CDK14: variants seen among roughly 807,000 people sequenced by gnomAD.
CDK14 encodes cyclin dependent kinase 14.
Under a neutral mutation model 60.7 loss-of-function variants are expected in CDK14, and 34 were observed. That is an observed-to-expected ratio of 0.56 (90% confidence interval 0.43 to 0.75). The LOEUF (loss-of-function observed/expected upper bound fraction) is 0.75, where lower values mean the gene tolerates loss of function less well. Among genes scored for constraint, CDK14 ranks in the 30% least tolerant of loss-of-function variants. The pLI is 0.00. For missense variants in CDK14, 482 were observed against 564.1 expected, an observed-to-expected ratio of 0.85 and a Z score of 1.47; for synonymous variants, 197 against 203.7, an observed-to-expected ratio of 0.97 and a Z score of 0.28.
chr7:90,693,528 G>T (rs529284072), intron 2 of CDK14, among the ~76,000 whole-genome samples: 3 of 152,296 alleles, frequency 2.0e-5, no homozygotes, highest in Non-Finnish European at 2.9e-5. Context: ...CGGCTGTGTT[G>T]TTGGGAACTT....
intron 14 of CDK14, among the ~76,000 whole-genome samples, chr7:91,166,921 T>C (rs1801364081): frequency 6.6e-6 from 1 of 152,220 alleles, no homozygotes; most frequent in Non-Finnish European, 1.5e-5. Flanking sequence ...TTGATAATAT[T>C]ATCCAGAAAA....
chr7:91,050,816 G>A (rs1797370011), intron 11 of CDK14, among the ~76,000 whole-genome samples: 1 of 152,180 alleles, frequency 6.6e-6, no homozygotes, highest in Non-Finnish European at 1.5e-5. Context: ...GGTGAAGGGG[G>A]AGCATGCATG....
chr7:91,098,582 A>G (rs1018490945), intron 12 of CDK14, among the ~76,000 whole-genome samples: 3 of 152,134 alleles, frequency 2.0e-5, no homozygotes, highest in African/African-American at 7.2e-5. Flanking sequence ...CTTCTATATC[A>G]ACATAGAGTG....
intron 2 of CDK14, among the ~76,000 whole-genome samples, chr7:90,691,869 G>T (rs183587514): frequency 1.2e-4 from 19 of 152,274 alleles, no homozygotes; most frequent in Admixed American, 1.2e-3. Context: ...AGTTATCAAG[G>T]CATTGAGTCT....
chr7:90,690,915 A>G (rs542466977), intron 2 of CDK14, among the ~76,000 whole-genome samples: 1 of 152,312 alleles, frequency 6.6e-6, no homozygotes, highest in African/African-American at 2.4e-5. Flanking sequence ...GAAAGTAAGC[A>G]AATTAAAGTA....
At chr7:91,132,216 A>G (rs1358000660) in intron 14 of CDK14, among the ~76,000 whole-genome samples, 2 of 152,182 alleles carry the variant, frequency 1.3e-5, no homozygotes, top group Non-Finnish European at 2.9e-5. Context: ...AGGAGATAGC[A>G]GAAGTTTTTC....
chr7:91,144,544 G>A (rs533271141), intron 14 of CDK14, among the ~76,000 whole-genome samples: 2 of 152,274 alleles, frequency 1.3e-5, no homozygotes, highest in South Asian at 4.1e-4. Flanking sequence ...GATTCAGACA[G>A]CTTTCCCTTA....
At chr7:90,822,012 C>G (rs570841117) in intron 5 of CDK14, among the ~76,000 whole-genome samples, 1 of 152,228 alleles carries the variant, frequency 6.6e-6, no homozygotes, top group Non-Finnish European at 1.5e-5. Flanking sequence ...TCTTTAATCC[C>G]CTGCGGGTGA....
intron 4 of CDK14, among the ~76,000 whole-genome samples, chr7:90,759,089 C>T (rs1804208000): frequency 6.7e-6 from 1 of 149,906 alleles, no homozygotes; most frequent in African/African-American, 2.5e-5. Flanking sequence ...ACAAAAACAT[C>T]CAGGTAAAAT....
At chr7:91,194,140 T>C (rs1802458657) in intron 14 of CDK14, among the ~76,000 whole-genome samples, 1 of 152,196 alleles carries the variant, frequency 6.6e-6, no homozygotes, top group Non-Finnish European at 1.5e-5. Context: ...CCTGGTAGAA[T>C]TTCTTTTAAT....
chr7:91,013,179 C>A (rs777980179), intron 10 of CDK14, among the ~76,000 whole-genome samples: 1 of 152,214 alleles, frequency 6.6e-6, no homozygotes, highest in Non-Finnish European at 1.5e-5. Context: ...CCCCAAATTT[C>A]TTTTTCCTTT....
At chr7:90,893,240 A>G (rs963936815) in intron 6 of CDK14, among the ~76,000 whole-genome samples, 6 of 152,146 alleles carry the variant, frequency 3.9e-5, no homozygotes, top group Middle Eastern at 3.2e-3. Context: ...AGGCATAGCA[A>G]TGGTGATGGA....
At chr7:90,785,804 AAAGAG>A (rs1171048742) in intron 4 of CDK14, among the ~76,000 whole-genome samples, 1 of 148,342 alleles carries the variant, frequency 6.7e-6, no homozygotes, top group Non-Finnish European at 1.5e-5. Flanking sequence ...AAAAAAAAAA[AAAGAG>A]AAAACTTCTA....
At chr7:90,649,247 TC>T (rs1800537212) in intron 2 of CDK14, among the ~76,000 whole-genome samples, 1 of 18,624 alleles carries the variant, frequency 5.4e-5, no homozygotes, top group African/African-American at 2.2e-4. Flanking sequence ...TTTCTTTCTT[TC>T]TTTCTTTCTT....
chr7:90,811,004 A>G lies in CDK14; in HGVS notation c.544+20352A>G, dbSNP rs547756744. Among the ~76,000 whole-genome samples the G allele has an allele frequency of 5.8e-3, 878 of 152,342 alleles. 15 individuals are homozygous for G. The highest frequency in any genetic ancestry group is 0.02 in the African/African-American group (829 of 41,568). The stretch of plus-strand genomic sequence containing the variant: ...ATGGAAGAATATTCCCTGCTCATGG[A>G]TAGGAAGAATCAATATCGTGAGAAT... On this transcript the variant is annotated intron_variant, in intron 5 of 14. Transcript: ENST00000380050.
intron 8 of CDK14, among the ~76,000 whole-genome samples, chr7:90,944,318 A>G (rs913780016): frequency 3.4e-4 from 52 of 152,216 alleles, no homozygotes; most frequent in African/African-American, 1.0e-3. Context: ...GCGATCTGCC[A>G]AAGGAACCTC....
chr7:90,791,973 G>A (rs1178088102), intron 5 of CDK14, among the ~76,000 whole-genome samples: 1 of 150,390 alleles, frequency 6.6e-6, no homozygotes, highest in African/African-American at 2.5e-5. Flanking sequence ...CACAATCTCG[G>A]CTCACTGCAA....
At chr7:90,878,120 G>A (rs1791625662) in intron 6 of CDK14, among the ~76,000 whole-genome samples, 1 of 151,920 alleles carries the variant, frequency 6.6e-6, no homozygotes. Context: ...GACAGAGAGA[G>A]AGAGAGAATT....
chr7:91,070,621 A>G (rs982645553), intron 11 of CDK14, among the ~76,000 whole-genome samples: 3 of 152,114 alleles, frequency 2.0e-5, no homozygotes, highest in East Asian at 1.9e-4. Flanking sequence ...TTAGCCAGGC[A>G]TGGTGGCATG....
Sources: gnomAD v4.1 joint callset for allele counts (sites outside exome capture counted in the v4.1 genomes callset) on GRCh38, gnomAD v4.1.1 for gene constraint, MANE v1.5 for transcripts, NCBI Gene and HGNC (gene_info 2026-07-23, HGNC 2026-07-21) for gene names.